UGT8: variants seen among roughly 807,000 people sequenced by gnomAD.
UGT8 encodes the protein 2-hydroxyacylsphingosine 1-beta-galactosyltransferase.
In UGT8, 12 loss-of-function variants were observed where a neutral mutation model predicts 40.5. The ratio of observed to expected loss-of-function variants is 0.30; its 90% CI spans 0.19 to 0.48. The LOEUF (loss-of-function observed/expected upper bound fraction) is 0.48. UGT8 is among the 20% of genes least tolerant of loss of function. The probability of loss-of-function intolerance (pLI) is 0.99; values close to 1 mark genes in which losing one functional copy is unlikely to be tolerated. For missense variants in UGT8, 513 were observed against 648.7 expected (o/e 0.79, Z 2.27); for synonymous variants, 224 against 240.4 (o/e 0.93, Z 0.63).
Position 114,622,471 on chromosome 4 carries a change from G to A in UGT8, c.-2-408G>A, listed in dbSNP as rs530090908. The A allele has an allele frequency of 6.9e-5, 12 of 172,944 alleles. No homozygotes were observed. In the East Asian group the frequency reaches 2.0e-3, roughly 29 times the overall value. The allele number at this position is 172,944 out of a possible 1,614,324, so 10.7% of individuals were successfully genotyped here. ...TTATAGTCCTTTGGGTATATACCCAGTAATGGGATGGCTGGGTTCTAGATC... is the reference window on the plus strand; with the variant it reads ...TTATAGTCCTTTGGGTATATACCCAATAATGGGATGGCTGGGTTCTAGATC... On this transcript the variant is annotated intron_variant, in intron 1 of 5. Transcript: ENST00000310836.
At chr4:114,607,546 G>A (rs1730808228) in intron 1 of UGT8, among the ~76,000 whole-genome samples, 1 of 151,790 alleles carries the variant, frequency 6.6e-6, no homozygotes, top group Non-Finnish European at 1.5e-5. Context: ...CACTCCTTTG[G>A]TGTAGTTATT....
chr4:114,604,444 A>G (rs1730614223), intron 1 of UGT8, among the ~76,000 whole-genome samples: 1 of 147,396 alleles, frequency 6.8e-6, no homozygotes. Context: ...ACTGATTTGT[A>G]GAGGTTTGTT....
chr4:114,647,644 G>GC lies in UGT8; in HGVS notation c.823-16350dup, dbSNP rs546210229. On this transcript the variant is annotated intron_variant, in intron 2 of 5. Coordinates refer to ENST00000310836, the MANE Select transcript of UGT8 (RefSeq NM_001128174.3). ...GTCTCCCAAAGTGTTGGGATTACAG[G>GC]CATGAGCCACCAGAATTAGCTCTTT... Among the ~76,000 whole-genome samples, 915 of 152,188 alleles carry GC rather than the reference G, an allele frequency of 6.0e-3. 5 individuals are homozygous for GC. The highest frequency in any genetic ancestry group is 8.5e-3 in the Non-Finnish European group (577 of 68,016).
chr4:114,616,211 A>AG (rs2126092641), intron 1 of UGT8, among the ~76,000 whole-genome samples: 1 of 152,288 alleles, frequency 6.6e-6, no homozygotes, highest in South Asian at 2.1e-4. Flanking sequence ...GAGTCTACAG[A>AG]GGCAGGCAGG....
At chr4:114,664,844 A>G (rs908208338) in intron 3 of UGT8, among the ~76,000 whole-genome samples, 4 of 152,216 alleles carry the variant, frequency 2.6e-5, no homozygotes, top group African/African-American at 4.8e-5. Flanking sequence ...AGTTACTACC[A>G]TGAGTGGAAG....
Position 114,664,153 on chromosome 4 carries a change from A to G in UGT8, c.965+16A>G, listed in dbSNP as rs762609292. The G allele has an allele frequency of 2.5e-6, 4 of 1,612,076 alleles. No individual in the cohort carries two copies. Among genetic ancestry groups the G allele is most frequent in the Non-Finnish European group, 3.4e-6 (4 of 1,179,426 alleles). On this transcript the variant is annotated intron_variant, in intron 3 of 5. Coordinates refer to ENST00000310836, the MANE Select transcript of UGT8 (RefSeq NM_001128174.3). ...TGATTTGGAGGTAAGGTAATAATGT[A>G]GATTGTTTCTTTGCTATTGACAATC...
intron 1 of UGT8, among the ~76,000 whole-genome samples, chr4:114,602,558 A>C (rs770162253): frequency 6.6e-6 from 1 of 152,260 alleles, no homozygotes; most frequent in Non-Finnish European, 1.5e-5. Flanking sequence ...ATTTGTTAAA[A>C]GCATACTGTG....
intron 2 of UGT8, among the ~76,000 whole-genome samples, chr4:114,642,703 G>A (rs952387696): frequency 6.6e-6 from 1 of 151,918 alleles, no homozygotes; most frequent in Non-Finnish European, 1.5e-5. Context: ...GGATTTGTTC[G>A]CTTGTCATTT....
intron 1 of UGT8, among the ~76,000 whole-genome samples, chr4:114,599,758 A>G (rs190725211): frequency 3.4e-4 from 52 of 152,284 alleles, no homozygotes; most frequent in African/African-American, 1.1e-3. Context: ...GGCGCCTTCC[A>G]TGGACTGGAG....
At chr4:114,670,735 T>G (rs1434625189) in intron 5 of UGT8, among the ~76,000 whole-genome samples, 1 of 152,138 alleles carries the variant, frequency 6.6e-6, no homozygotes, top group Non-Finnish European at 1.5e-5. Context: ...GCTGGAAGCA[T>G]TCCCTTTGGA....
intron 1 of UGT8, among the ~76,000 whole-genome samples, chr4:114,609,465 C>T (rs1248103027): frequency 6.6e-6 from 1 of 152,122 alleles, no homozygotes; most frequent in Non-Finnish European, 1.5e-5. Context: ...CTTCAAACTT[C>T]TAAACTATGT....
chr4:114,653,176 A>G (rs1733986582), intron 2 of UGT8, among the ~76,000 whole-genome samples: 1 of 152,092 alleles, frequency 6.6e-6, no homozygotes, highest in African/African-American at 2.4e-5. Context: ...AGTCTATATA[A>G]TCACTTACCC....
At chr4:114,632,450 C>T (rs1471947639) in intron 2 of UGT8, among the ~76,000 whole-genome samples, 3 of 152,130 alleles carry the variant, frequency 2.0e-5, no homozygotes, top group Non-Finnish European at 2.9e-5. Context: ...GTGGTGGATA[C>T]TAACTTCCCT....
chr4:114,667,603 T>C (rs1734968416), intron 4 of UGT8, among the ~76,000 whole-genome samples: 1 of 152,210 alleles, frequency 6.6e-6, no homozygotes, highest in Non-Finnish European at 1.5e-5. Flanking sequence ...GAATAGTGAT[T>C]ACAACATTTC....
At chr4:114,623,751 A>G (rs368695646) in intron 2 of UGT8, 49 bp downstream of exon 2, 1 of 1,531,362 alleles carries the variant, frequency 6.5e-7, no homozygotes, top group Non-Finnish European at 8.7e-7. Flanking sequence ...GTAAAAGTCA[A>G]TTTTGATTTT....
chr4:114,665,331 C>T (rs1299775600), intron 3 of UGT8: 1 of 974,388 alleles, frequency 1.0e-6, no homozygotes, highest in Non-Finnish European at 1.2e-6. Flanking sequence ...CCTTCTTGTT[C>T]CAGCTTCTGG....
In UGT8 at chr4:114,675,920, C is replaced by A; in HGVS notation, c.1263-5C>A. 1 of 1,607,272 alleles carries A rather than the reference C, an allele frequency of 6.2e-7. No individual in the cohort carries two copies. The highest frequency in any genetic ancestry group is 8.5e-7 in the Non-Finnish European group (1 of 1,175,842). ...ATCATTCTGTGTTTTGTCCCCTCTC[C>A]ATAGCTACCGTCAGAGGGCTCAGAA... On this transcript the variant is annotated splice_region_variant and splice_polypyrimidine_tract_variant and intron_variant, in intron 5 of 5. Coordinates refer to ENST00000310836, the MANE Select transcript of UGT8 (RefSeq NM_001128174.3).
At chr4:114,662,967 C>T (rs1734641055) in intron 2 of UGT8, among the ~76,000 whole-genome samples, 1 of 151,688 alleles carries the variant, frequency 6.6e-6, no homozygotes, top group Admixed American at 6.6e-5. Context: ...CAGGTGCCCG[C>T]CACCATGCCC....
chr4:114,602,346 A>G (rs1301514235), intron 1 of UGT8, among the ~76,000 whole-genome samples: 1 of 152,228 alleles, frequency 6.6e-6, no homozygotes, highest in Non-Finnish European at 1.5e-5. Context: ...GTCCAGAATA[A>G]GAAGTATGAT....
Sources: gnomAD v4.1 joint callset for allele counts (sites outside exome capture counted in the v4.1 genomes callset) on GRCh38, gnomAD v4.1.1 for gene constraint, MANE v1.5 for transcripts, NCBI Gene and HGNC (gene_info 2026-07-23, HGNC 2026-07-21) for gene names.